Variants in ZNF475 observed in about 807,000 individuals in gnomAD.
ZNF475 encodes zinc finger protein 475.
the ZNF475 span, among the ~76,000 whole-genome samples, chr5:122,172,899 G>A: frequency 2.6e-5 from 4 of 152,116 alleles, no homozygotes; most frequent in African/African-American, 9.7e-5. Flanking sequence ...TGGGCATGGT[G>A]GCAGGCACCT....
the ZNF475 span, chr5:122,180,166 A>G: frequency 6.6e-6 from 1 of 152,566 alleles, no homozygotes; most frequent in Non-Finnish European, 1.5e-5. Context: ...GGGATACCAA[A>G]CTCGAATTTT....
chr5:122,182,302 T>A, the ZNF475 span, among the ~76,000 whole-genome samples: 31 of 152,342 alleles, frequency 2.0e-4, 1 homozygote, highest in East Asian at 5.8e-3. Context: ...CCTTTCTTTT[T>A]TGGAGGCAAA....
the ZNF475 span, among the ~76,000 whole-genome samples, chr5:122,181,374 A>C: frequency 6.6e-6 from 1 of 152,080 alleles, no homozygotes; most frequent in African/African-American, 2.4e-5. Flanking sequence ...TCATTTTAAA[A>C]CTCGCATGAG....
chr5:122,172,954 A>T, the ZNF475 span, among the ~76,000 whole-genome samples: 2 of 151,816 alleles, frequency 1.3e-5, no homozygotes, highest in African/African-American at 4.8e-5. Flanking sequence ...AATGGCGTGA[A>T]CCCGGGAGGC....
At chr5:122,172,977 G>T in the ZNF475 span, among the ~76,000 whole-genome samples, 1 of 151,950 alleles carries the variant, frequency 6.6e-6, no homozygotes, top group South Asian at 2.1e-4. Flanking sequence ...AGCTTGCAGT[G>T]AGCCAAGATC....
chr5:122,170,584 C>T, the ZNF475 span, among the ~76,000 whole-genome samples: 4 of 152,278 alleles, frequency 2.6e-5, no homozygotes, highest in East Asian at 7.7e-4. Context: ...ACCACACTCC[C>T]AGCACCTCAA....
At chr5:122,160,937 T>TC in the ZNF475 span, among the ~76,000 whole-genome samples, 1 of 152,064 alleles carries the variant, frequency 6.6e-6, no homozygotes, top group African/African-American at 2.4e-5. Flanking sequence ...CTACAATCTC[T>TC]CCCAAAATTC....
At chr5:122,179,135 T>C in the ZNF475 span, among the ~76,000 whole-genome samples, 13 of 152,222 alleles carry the variant, frequency 8.5e-5, no homozygotes, top group African/African-American at 3.1e-4. Flanking sequence ...TTTTGGTTAC[T>C]GTAGTCTTGT....
At chr5:122,175,937 G>A in the ZNF475 span, among the ~76,000 whole-genome samples, 1 of 152,008 alleles carries the variant, frequency 6.6e-6, no homozygotes, top group Non-Finnish European at 1.5e-5. Context: ...TCTCTTCCTT[G>A]ACATAATTTT....
chr5:122,171,493 G>T, the ZNF475 span, among the ~76,000 whole-genome samples: 2 of 152,142 alleles, frequency 1.3e-5, no homozygotes, highest in Non-Finnish European at 2.9e-5. Flanking sequence ...GCACCAAAGT[G>T]AAACTAATAA....
chr5:122,169,315 T>G, the ZNF475 span, among the ~76,000 whole-genome samples: 1 of 152,310 alleles, frequency 6.6e-6, no homozygotes, highest in South Asian at 2.1e-4. Context: ...TTCAGACTCT[T>G]GTGGCACTAT....
chr5:122,160,795 C>G, the ZNF475 span, among the ~76,000 whole-genome samples: 2 of 152,066 alleles, frequency 1.3e-5, no homozygotes, highest in African/African-American at 4.8e-5. Context: ...AAGCCTTTTT[C>G]CCCCATCACT....
chr5:122,170,451 C>T, the ZNF475 span, among the ~76,000 whole-genome samples: 1 of 152,168 alleles, frequency 6.6e-6, no homozygotes, highest in Admixed American at 6.5e-5. Flanking sequence ...GGAAACACTT[C>T]ATCGTGTTAT....
At chr5:122,179,500 A>G in the ZNF475 span, 155,313 of 854,348 alleles carry the variant, frequency 0.18, 15,153 homozygotes, top group Middle Eastern at 0.24. Flanking sequence ...TTCTCTTTGT[A>G]GCAATTGTGA....
At chr5:122,173,853 GT>G in the ZNF475 span, among the ~76,000 whole-genome samples, 2 of 152,168 alleles carry the variant, frequency 1.3e-5, no homozygotes, top group Non-Finnish European at 2.9e-5. Context: ...TGTAAAAAAA[GT>G]CTTTTACCTT....
At chr5:122,172,224 A>G in the ZNF475 span, among the ~76,000 whole-genome samples, 1 of 152,226 alleles carries the variant, frequency 6.6e-6, no homozygotes, top group Non-Finnish European at 1.5e-5. Context: ...TTTATTATAC[A>G]AGGACTTTTC....
At chr5:122,180,930 G>A in the ZNF475 span, among the ~76,000 whole-genome samples, 1 of 152,106 alleles carries the variant, frequency 6.6e-6, no homozygotes, top group Non-Finnish European at 1.5e-5. Context: ...CCATAAACAG[G>A]TTGTTTACCT....
At chr5:122,163,450 G>C in the ZNF475 span, 2 of 152,130 alleles carry the variant, frequency 1.3e-5, no homozygotes, top group Non-Finnish European at 1.5e-5. Flanking sequence ...ATGGAGGGAG[G>C]GGAACGCTCA....
chr5:122,166,453 G>A, the ZNF475 span, among the ~76,000 whole-genome samples: 8 of 151,932 alleles, frequency 5.3e-5, no homozygotes, highest in African/African-American at 1.4e-4. Flanking sequence ...CCATTAACTC[G>A]TCATTTATAT....
Sources: gnomAD v4.1 joint callset for allele counts (sites outside exome capture counted in the v4.1 genomes callset) on GRCh38, gnomAD v4.1.1 for gene constraint, MANE v1.5 for transcripts, NCBI Gene and HGNC (gene_info 2026-07-23, HGNC 2026-07-21) for gene names.